LRRC63: variants seen among roughly 807,000 people sequenced by gnomAD.
LRRC63 encodes leucine-rich repeat-containing protein 63.
Under a neutral mutation model 49.5 loss-of-function variants are expected in LRRC63, and 40 were observed. That is an observed-to-expected ratio of 0.81 (90% CI 0.63 to 1.05). The LOEUF is 1.05. Ranked by LOEUF, LRRC63 falls within the 50% of genes least tolerant of loss-of-function variation. The probability of loss-of-function intolerance (pLI) is 0.00; values close to 1 mark genes in which losing one functional copy is unlikely to be tolerated. For synonymous variants in LRRC63, 191 were observed against 221.1 expected (o/e 0.86, Z 1.21); for missense variants, 636 against 663.1 (o/e 0.96, Z 0.45).
At chr13:46,234,321 T>C in exon 5 of LRRC63, 2 of 1,550,098 alleles carry the variant, frequency 1.3e-6, no homozygotes, top group Non-Finnish European at 1.7e-6. Flanking sequence ...AACTGTCAAG[T>C]ATATGGGAGA....
intron 9 of LRRC63, among the ~76,000 whole-genome samples, chr13:46,272,918 G>C (rs1031096433): frequency 6.6e-6 from 1 of 152,176 alleles, no homozygotes; most frequent in Non-Finnish European, 1.5e-5. Flanking sequence ...TTATCTAGGA[G>C]CTGGAGGGGA....
chr13:46,260,108 C>CTG (rs2047590301), intron 7 of LRRC63, among the ~76,000 whole-genome samples: 1 of 152,190 alleles, frequency 6.6e-6, no homozygotes, highest in African/African-American at 2.4e-5. Context: ...ACTCTAGAAC[C>CTG]TATTCAGCTT....
intron 2 of LRRC63, among the ~76,000 whole-genome samples, chr13:46,220,950 C>G (rs1248749048): frequency 6.6e-6 from 1 of 152,176 alleles, no homozygotes; most frequent in Non-Finnish European, 1.5e-5. Flanking sequence ...TTTCTTTAAG[C>G]ATCGCTTCTC....
At chr13:46,249,724 A>G (rs1359020245) in intron 6 of LRRC63, among the ~76,000 whole-genome samples, 1 of 151,958 alleles carries the variant, frequency 6.6e-6, no homozygotes, top group Non-Finnish European at 1.5e-5. Context: ...TTGGACCTTT[A>G]TGATGATAAC....
In LRRC63 at chr13:46,259,529, G is replaced by A. The variant is rs548015784; in HGVS notation, c.1227-2380G>A. ...ACTTTAATTGGCAGGTAGGTTCTTCGGGAAAGAGAAACTATTTGGAACAAA... is the reference window on the plus strand; with the variant it reads ...ACTTTAATTGGCAGGTAGGTTCTTCAGGAAAGAGAAACTATTTGGAACAAA... On this transcript the variant is annotated intron_variant, in intron 7 of 9. Coordinates refer to ENST00000595396, the Ensembl canonical transcript of LRRC63. 1.2e-4 allele frequency among the ~76,000 whole-genome samples: 18 copies of A among 152,188 alleles called. No individual in the cohort carries two copies. The South Asian group carries it at 2.9e-3, about 25-fold the overall frequency.
At chr13:46,269,797 T>C (rs1243385744) in intron 9 of LRRC63, among the ~76,000 whole-genome samples, 1 of 148,072 alleles carries the variant, frequency 6.8e-6, no homozygotes, top group Non-Finnish European at 1.5e-5. Context: ...AATATATATA[T>C]ATTATATATA....
chr13:46,238,694 C>T (rs557347347), intron 5 of LRRC63, among the ~76,000 whole-genome samples: 1 of 152,280 alleles, frequency 6.6e-6, no homozygotes, highest in East Asian at 1.9e-4. Context: ...CAGATCCCTC[C>T]CACGACACAT....
At chr13:46,262,767 G>A (rs191730653) in intron 8 of LRRC63, among the ~76,000 whole-genome samples, 9 of 152,140 alleles carry the variant, frequency 5.9e-5, no homozygotes, top group Admixed American at 5.2e-4. Flanking sequence ...TGAATGTAAT[G>A]TAATATTTCT....
chr13:46,245,376 A>C (rs2047185702), intron 5 of LRRC63, among the ~76,000 whole-genome samples: 1 of 152,202 alleles, frequency 6.6e-6, no homozygotes, highest in Admixed American at 6.5e-5. Flanking sequence ...CATTTATAGA[A>C]TGATACATCC....
chr13:46,239,196 G>A (rs2046986795), intron 5 of LRRC63, among the ~76,000 whole-genome samples: 1 of 152,028 alleles, frequency 6.6e-6, no homozygotes, highest in Non-Finnish European at 1.5e-5. Context: ...GCAGATCCAG[G>A]AGTTGATTTT....
chr13:46,230,773 C>A lies in LRRC63; in HGVS notation c.832+2040C>A, dbSNP rs11147998. Among the ~76,000 whole-genome samples the A allele has an allele frequency of 5.5e-3, 843 of 152,294 alleles. 8 individuals carry two copies. Among genetic ancestry groups the A allele is most frequent in the African/African-American group, 0.02 (811 of 41,548 alleles). On this transcript the variant is annotated intron_variant, in intron 4 of 9. Transcript: ENST00000595396. Reference sequence around the variant, plus strand: ...GCTGTATGGCCAGGCTGCAAATTTTCCAAACTTTTACAATCTGCTTCCCTT... The same window carrying A: ...GCTGTATGGCCAGGCTGCAAATTTTACAAACTTTTACAATCTGCTTCCCTT...
intron 9 of LRRC63, among the ~76,000 whole-genome samples, chr13:46,269,259 A>T (rs2047723129): frequency 6.6e-6 from 1 of 152,004 alleles, no homozygotes; most frequent in African/African-American, 2.4e-5. Flanking sequence ...AGACATCAAG[A>T]CTTACTATAC....
chr13:46,228,517 T>C (rs1262892094), intron 3 of LRRC63, 148 bp from the exon 4 acceptor site: 1 of 628,498 alleles, frequency 1.6e-6, no homozygotes, highest in Non-Finnish European at 2.9e-6. Flanking sequence ...AGAAGTAGAA[T>C]GCCAGTGCTG....
At chr13:46,234,114 A>G (rs914951386) in intron 4 of LRRC63, 78 bp from the exon 5 acceptor site, 3 of 1,319,354 alleles carry the variant, frequency 2.3e-6, no homozygotes, top group Admixed American at 4.5e-5. Context: ...ATATTATCAT[A>G]AGATAAATAC....
At chr13:46,215,850 C>T (rs1019834116) in intron 2 of LRRC63, among the ~76,000 whole-genome samples, 4 of 152,258 alleles carry the variant, frequency 2.6e-5, no homozygotes, top group Non-Finnish European at 4.4e-5. Context: ...GCCAGTTTTC[C>T]GAGCACCATT....
chr13:46,267,024 A>T, intron 9 of LRRC63, 52 bp downstream of exon 9: 1 of 1,454,188 alleles, frequency 6.9e-7, no homozygotes, highest in Non-Finnish European at 9.1e-7. Context: ...AAGCATTAAA[A>T]TGTTCTTCAT....
chr13:46,222,978 G>A (rs1232453642), intron 2 of LRRC63, among the ~76,000 whole-genome samples: 2 of 146,176 alleles, frequency 1.4e-5, no homozygotes, highest in East Asian at 2.0e-4. Context: ...ACCAAACACG[G>A]CATGTTCTCA....
At position 46,241,874 on chromosome 13, in the gene LRRC63, G is replaced by A. The variant is rs1376183224; in HGVS notation, c.991-4653G>A. On this transcript the variant is annotated intron_variant, in intron 5 of 9. Transcript: ENST00000595396. ...GAACATTTATACACTCTTGGTGGGAGTGTAAATTAGTTCAACCATTGTGGA... is the reference window on the plus strand; with the variant it reads ...GAACATTTATACACTCTTGGTGGGAATGTAAATTAGTTCAACCATTGTGGA... Among the ~76,000 whole-genome samples the A allele has an allele frequency of 3.3e-5, 5 of 152,162 alleles. No homozygotes were observed. The East Asian group carries it at 9.6e-4, about 29-fold the overall frequency.
intron 7 of LRRC63, among the ~76,000 whole-genome samples, chr13:46,259,531 G>A (rs1462343494): frequency 6.6e-6 from 1 of 152,132 alleles, no homozygotes; most frequent in Non-Finnish European, 1.5e-5. Context: ...GGTTCTTCGG[G>A]AAAGAGAAAC....
Sources: gnomAD v4.1 joint callset for allele counts (sites outside exome capture counted in the v4.1 genomes callset) on GRCh38, gnomAD v4.1.1 for gene constraint, MANE v1.5 for transcripts, NCBI Gene and HGNC (gene_info 2026-07-23, HGNC 2026-07-21) for gene names.